ITPR1: variants seen among roughly 807,000 people sequenced by gnomAD.
ITPR1 encodes inositol 1,4,5-trisphosphate-gated calcium channel ITPR1.
Under a neutral mutation model 318.4 loss-of-function variants are expected in ITPR1, and 96 were observed. That is an observed-to-expected ratio of 0.30 (90% confidence interval 0.26 to 0.36). ITPR1 has a LOEUF of 0.36. ITPR1 is among the 10% of genes least tolerant of loss of function. The pLI is 1.00. For synonymous variants in ITPR1, 1,312 were observed against 1,289.9 expected (o/e 1.02, Z -0.37); for missense variants, 2,440 against 3,460.2 (o/e 0.71, Z 7.40).
intron 34 of ITPR1, 132 bp from the exon 35 acceptor site, chr3:4,699,681 A>T: frequency 1.3e-6 from 1 of 741,252 alleles, no homozygotes; most frequent in Non-Finnish European, 2.2e-6. Context: ...ATGATTCCTT[A>T]AGGGGAGAAA....
At chr3:4,619,819 T>C (rs1575752867) in intron 4 of ITPR1, among the ~76,000 whole-genome samples, 1 of 94,416 alleles carries the variant, frequency 1.1e-5, no homozygotes. Flanking sequence ...TGCCCTCCCC[T>C]CCCCTCCTCT....
At chr3:4,662,987 C>A in intron 15 of ITPR1, 78 bp from the exon 16 acceptor site, 1 of 1,372,958 alleles carries the variant, frequency 7.3e-7, no homozygotes, top group Non-Finnish European at 1.0e-6. Context: ...CTCATTCGTC[C>A]AGAAGGCTTC....
Position 4,669,753 on chromosome 3 carries a change from T to A in ITPR1, c.1986T>A (p.Ala662=), listed in dbSNP as rs747844065. ...AAGCTGTGCTGAACCCCACCAACGCTGACATCCTGATTGAGACCAAGTGAG... is the reference window on the plus strand; with the variant it reads ...AAGCTGTGCTGAACCCCACCAACGCAGACATCCTGATTGAGACCAAGTGAG... ...ICKAVLNPTN[A]DILIETKLVL... Residue 662 remains alanine, a synonymous_variant, in exon 19 of 62, where the codon GCT becomes GCA. Transcript: ENST00000649015. 1.5e-5 allele frequency: 24 copies of A among 1,612,184 alleles called. 1 individual carries two copies. The South Asian group carries it at 2.5e-4, about 17-fold the overall frequency.
At chr3:4,744,860 GCCTC>G (rs2043963800) in intron 44 of ITPR1, among the ~76,000 whole-genome samples, 3 of 151,864 alleles carry the variant, frequency 2.0e-5, no homozygotes, top group Non-Finnish European at 4.4e-5. Context: ...ACAGGCTGGG[GCCTC>G]CCTCCCTCCC....
At chr3:4,576,019 CAAA>C (rs35517382) in intron 4 of ITPR1, among the ~76,000 whole-genome samples, 11 of 80,718 alleles carry the variant, frequency 1.4e-4, no homozygotes, top group Admixed American at 2.9e-4. Flanking sequence ...GATGCTGTCT[CAAA>C]AAAAAAAAAA....
intron 4 of ITPR1, among the ~76,000 whole-genome samples, chr3:4,555,974 G>A (rs1227317066): frequency 4.6e-5 from 7 of 152,178 alleles, no homozygotes; most frequent in Non-Finnish European, 7.3e-5. Context: ...GTCTGTGCTC[G>A]TAGACACTGC....
At chr3:4,816,819 T>C (rs1307991362) in intron 59 of ITPR1, among the ~76,000 whole-genome samples, 4 of 152,382 alleles carry the variant, frequency 2.6e-5, no homozygotes, top group South Asian at 2.1e-4. Flanking sequence ...CCCTCAGCTT[T>C]AGCATTCATT....
intron 4 of ITPR1, among the ~76,000 whole-genome samples, chr3:4,522,920 C>T (rs1217532707): frequency 6.6e-6 from 1 of 152,196 alleles, no homozygotes; most frequent in Non-Finnish European, 1.5e-5. Context: ...ACTTTGGCTG[C>T]ACAGGGAGAT....
chr3:4,768,452 G>C lies in ITPR1; in HGVS notation c.5726-59G>C. ...TAGGTTTCTGAGTGTCACCTTTGGA[G>C]TGGTGAATAGGGCCCATGAGGACTC... On this transcript the variant is annotated intron_variant, in intron 45 of 61. Transcript: ENST00000649015. 4 of 1,516,346 alleles carry C rather than the reference G, an allele frequency of 2.6e-6. No homozygotes were observed. In the Admixed American group the frequency reaches 6.4e-5, roughly 24 times the overall value. The allele number at this position is 1,516,346 out of a possible 1,614,324, so 93.9% of individuals were successfully genotyped here.
At position 4,783,822 on chromosome 3, in the gene ITPR1, C is replaced by T. The variant is rs1168180147; in HGVS notation, c.6517C>T (p.Arg2173Trp). Residue 2173 changes from arginine (R) to tryptophan (W), a missense_variant, in exon 51 of 62, where the codon CGG becomes TGG. This residue lies in a region of ITPR1 where 115 missense variants were observed against 204.5 expected (regional missense o/e 0.56). Transcript: ENST00000649015. Reference protein sequence around the residue: ...NIYILAHQLARHNKELQSMLK... With the variant: ...NIYILAHQLAWHNKELQSMLK... ...CTCTGTCCCTGTATTCTAGTTGGCT[C>T]GGCATAACAAAGAACTTCAGAGCAT... 8.7e-6 allele frequency: 14 copies of T among 1,601,158 alleles called. No homozygotes were observed. The Admixed American group carries it at 1.2e-4, about 14-fold the overall frequency.
Position 4,680,849 on chromosome 3 carries a change from A to G in ITPR1, c.3106+158A>G, listed in dbSNP as rs565142678. On this transcript the variant is annotated intron_variant, in intron 25 of 61. Coordinates refer to ENST00000649015, the MANE Select transcript of ITPR1 (RefSeq NM_001378452.1). ...GCAGTTACTCTTTTTGAGCAAGTGAATAATTGATAGAGCCCAGATTCCTTC... is the reference window on the plus strand; with the variant it reads ...GCAGTTACTCTTTTTGAGCAAGTGAGTAATTGATAGAGCCCAGATTCCTTC... Among the ~76,000 whole-genome samples the G allele has an allele frequency of 3.3e-5, 5 of 152,338 alleles. No homozygotes were observed. The South Asian group carries it at 8.3e-4, about 25-fold the overall frequency.
chr3:4,818,781 G>A (rs2049477896), intron 60 of ITPR1, among the ~76,000 whole-genome samples: 2 of 152,156 alleles, frequency 1.3e-5, no homozygotes, highest in African/African-American at 2.4e-5. Context: ...TCGCTGATGG[G>A]AAGTGTGGAT....
intron 4 of ITPR1, among the ~76,000 whole-genome samples, chr3:4,558,213 G>A (rs961537197): frequency 1.3e-5 from 2 of 152,158 alleles, no homozygotes; most frequent in Non-Finnish European, 2.9e-5. Flanking sequence ...CCAATAGAAT[G>A]CCTGATATGA....
At chr3:4,731,543 A>C (rs1042204263) in intron 42 of ITPR1, among the ~76,000 whole-genome samples, 1 of 151,954 alleles carries the variant, frequency 6.6e-6, no homozygotes, top group Non-Finnish European at 1.5e-5. Flanking sequence ...GAAATTTGGG[A>C]TTTTTTTGTT....
chr3:4,746,136 GA>G (rs1400101210), intron 44 of ITPR1, among the ~76,000 whole-genome samples: 3 of 152,190 alleles, frequency 2.0e-5, no homozygotes, highest in Admixed American at 2.0e-4. Context: ...TAGGGCTGCT[GA>G]GATCTGCACC....
chr3:4,798,546 T>G (rs2048032325), intron 53 of ITPR1, among the ~76,000 whole-genome samples: 1 of 152,258 alleles, frequency 6.6e-6, no homozygotes, highest in Non-Finnish European at 1.5e-5. Flanking sequence ...AGTTTGGTAT[T>G]GTCTTTTAAA....
Position 4,683,488 on chromosome 3 carries a change from G to A in ITPR1, c.3264G>A (p.Gly1088=). ...TMHDYPPLVS[G]ALQLLFRHFS... Reference sequence around the variant, plus strand: ...ATGACTACCCACCCCTGGTGTCAGGGGCCCTGCAGCTCCTCTTCCGGCACT... The same window carrying A: ...ATGACTACCCACCCCTGGTGTCAGGAGCCCTGCAGCTCCTCTTCCGGCACT... Residue 1088 remains glycine, a synonymous_variant, in exon 27 of 62, where the codon GGG becomes GGA. Transcript: ENST00000649015. 6.2e-7 allele frequency: 1 copy of A among 1,614,034 alleles called. No individual in the cohort carries two copies. The highest frequency in any genetic ancestry group is 8.5e-7 in the Non-Finnish European group (1 of 1,179,900).
intron 20 of ITPR1, among the ~76,000 whole-genome samples, chr3:4,672,082 T>C (rs1321790153): frequency 6.6e-6 from 1 of 152,240 alleles, no homozygotes; most frequent in East Asian, 1.9e-4. Context: ...TTTTCATCGC[T>C]GTTTGATATT....
chr3:4,552,807 C>T (rs1203990769), intron 4 of ITPR1, among the ~76,000 whole-genome samples: 1 of 152,178 alleles, frequency 6.6e-6, no homozygotes, highest in African/African-American at 2.4e-5. Flanking sequence ...CATCTAGAAG[C>T]TGCCTGGGGG....
Sources: gnomAD v4.1 joint callset for allele counts (sites outside exome capture counted in the v4.1 genomes callset) on GRCh38, gnomAD v4.1.1 for gene constraint, gnomAD v4.1.1 regional missense constraint, MANE v1.5 for transcripts, NCBI Gene and HGNC (gene_info 2026-07-23, HGNC 2026-07-21) for gene names.